The following AGAP3 variants were observed in gnomAD, a reference collection of about 807,000 sequenced individuals.
The protein encoded by AGAP3 is arf-GAP with GTPase, ANK repeat and PH domain-containing protein 3.
AGAP3 carries 24 observed loss-of-function variants against 96.9 expected under a neutral mutation model. The observed-to-expected ratio is 0.25, with a 90% CI of 0.18 to 0.35. The LOEUF (loss-of-function observed/expected upper bound fraction) is 0.35, where lower values mean the gene tolerates loss of function less well. Ranked by LOEUF, AGAP3 falls within the 10% of genes least tolerant of loss-of-function variation. The pLI is 1.00. For missense variants in AGAP3, 876 were observed against 1,254.2 expected, an observed-to-expected ratio of 0.70 and a Z score of 4.55; for synonymous variants, 563 against 536.1, an observed-to-expected ratio of 1.05 and a Z score of -0.69.
intron 11 of AGAP3, chr7:151,137,703 G>A (rs1453993951): frequency 5.9e-6 from 1 of 168,996 alleles, no homozygotes; most frequent in Non-Finnish European, 1.3e-5. Flanking sequence ...ATAATTACTT[G>A]AATTTGATAC....
In AGAP3 at chr7:151,143,078, C is replaced by T. The variant is rs372422336; in HGVS notation, c.2274-263C>T. 1.1e-4 allele frequency among the ~76,000 whole-genome samples: 17 copies of T among 152,334 alleles called. No homozygotes were observed. Among genetic ancestry groups the T allele is most frequent in the South Asian group, 8.3e-4 (4 of 4,826 alleles). On this transcript the variant is annotated intron_variant, in intron 16 of 17. Coordinates refer to ENST00000397238, the MANE Select transcript of AGAP3 (RefSeq NM_031946.7). The surrounding 1 kb of genome is among the most constrained non-coding windows in gnomAD (Gnocchi z 5.9). ...GGAATCTTCCTGCCCTCTCAGCCCC[C>T]GCATCCCCACTGTCCCCAGGGGGCC...
intron 11 of AGAP3, among the ~76,000 whole-genome samples, chr7:151,137,148 G>A (rs979062831): frequency 6.6e-6 from 1 of 152,232 alleles, no homozygotes; most frequent in Non-Finnish European, 1.5e-5. Flanking sequence ...GCCTGGTGCC[G>A]TCTCCCCGCA....
chr7:151,120,624 T>C, intron 8 of AGAP3: 1 of 1,293,112 alleles, frequency 7.7e-7, no homozygotes, highest in Non-Finnish European at 1.0e-6. Flanking sequence ...TCCGGCTCTT[T>C]TTCCGTTACC....
rs765993076 is a variant in AGAP3 at position 151,143,543 on chromosome 7, C to T, written c.2476C>T (p.Leu826=). The change falls in exon 17 of 18, where the codon CTA becomes TTA. Residue 826 remains leucine, a synonymous_variant. Coordinates refer to ENST00000397238, the MANE Select transcript of AGAP3 (RefSeq NM_031946.7). The surrounding 1 kb of genome is among the most constrained non-coding windows in gnomAD (Gnocchi z 5.9). ...TGGGGACGGGGACGGGCGGACGGCTCTACATCTCTCCAGTGCCATGGCCAA... is the reference window on the plus strand; with the variant it reads ...TGGGGACGGGGACGGGCGGACGGCTTTACATCTCTCCAGTGCCATGGCCAA... ...TYGDGDGRTA[L]HLSSAMANVV... is the part of the protein sequence containing the mutation. 10 of 1,613,578 alleles carry T rather than the reference C, an allele frequency of 6.2e-6. No homozygotes were observed. The highest frequency in any genetic ancestry group is 1.7e-4 in the Middle Eastern group (1 of 6,056).
In AGAP3 at chr7:151,126,373, A is replaced by G. The variant is rs866222697; in HGVS notation, c.1222-2207A>G. The stretch of plus-strand genomic sequence containing the variant: ...AGCAGAGCGGAGCAGAGCAGAGCGG[A>G]GCGGGGCGGGGCGGGGCCGGCCGTG... On this transcript the variant is annotated intron_variant, in intron 9 of 17. Transcript: ENST00000397238. Among the ~76,000 whole-genome samples, 493 of 56,232 alleles carry G rather than the reference A, an allele frequency of 8.8e-3. 6 individuals are homozygous for G. The highest frequency in any genetic ancestry group is 0.034 in the African/African-American group (421 of 12,426). 36.9% of individuals were successfully genotyped at this position (56,232 alleles called of 152,430 possible). A position where few individuals can be genotyped will look rare whatever the true frequency, so the allele number is the denominator to read the frequency against.
Position 151,128,642 on chromosome 7 carries a change from G to C in AGAP3, c.1284G>C (p.Thr428=). ...LNKEWKKKYV[T]LCDNGLLTYH... is the part of the protein sequence containing the mutation. ...AGGAGTGGAAGAAGAAGTATGTGACGCTCTGTGACAACGGGCTGCTCACCT... is the reference window on the plus strand; with the variant it reads ...AGGAGTGGAAGAAGAAGTATGTGACCCTCTGTGACAACGGGCTGCTCACCT... The change falls in exon 10 of 18, where the codon ACG becomes ACC. Residue 428 remains threonine (T), a synonymous_variant. Transcript: ENST00000397238. 1 of 1,613,806 alleles carries C rather than the reference G, an allele frequency of 6.2e-7. No homozygotes were observed. Among genetic ancestry groups the C allele is most frequent in the Non-Finnish European group, 8.5e-7 (1 of 1,179,920 alleles).
chr7:151,110,049 T>C (rs531844479), intron 1 of AGAP3, among the ~76,000 whole-genome samples: 2 of 152,360 alleles, frequency 1.3e-5, no homozygotes, highest in South Asian at 4.1e-4. Context: ...GAGGCTGAAC[T>C]TGAATCCAGC....
intron 1 of AGAP3, chr7:151,112,292 A>G (rs151198524): frequency 6.6e-6 from 1 of 152,268 alleles, no homozygotes; most frequent in East Asian, 1.9e-4. Flanking sequence ...CCCAGGTGGC[A>G]CTTTCTCCTT....
At chr7:151,107,052 G>A (rs1799085151) in intron 1 of AGAP3, among the ~76,000 whole-genome samples, 1 of 152,138 alleles carries the variant, frequency 6.6e-6, no homozygotes, top group Admixed American at 6.5e-5. Context: ...GCTCACGCCT[G>A]TAATCCCAGC....
rs144309190 is a variant in AGAP3 at position 151,117,627 on chromosome 7, C to T, written c.565-9C>T. On this transcript the variant is annotated splice_polypyrimidine_tract_variant and intron_variant, in intron 4 of 17. Transcript: ENST00000397238. ...GTTGCGGGTGCTAATTTTACTTGCT[C>T]TACCCTAGTTTGCTGCCTGGGTGGA... The T allele has an allele frequency of 3.7e-6, 6 of 1,613,728 alleles. No individual in the cohort carries two copies. Among genetic ancestry groups the T allele is most frequent in the Middle Eastern group, 1.6e-4 (1 of 6,082 alleles).
Position 151,086,692 on chromosome 7 carries a change from C to T in AGAP3, c.-50C>T, listed in dbSNP as rs946015693. ...GCTGCCGCCGCCGCCGCCGCCGCCGCCTCCGCCGCGCCGCCCCGGGCCCGC... is the reference window on the plus strand; with the variant it reads ...GCTGCCGCCGCCGCCGCCGCCGCCGTCTCCGCCGCGCCGCCCCGGGCCCGC... On this transcript the variant is annotated 5_prime_UTR_variant, in exon 1 of 18. Transcript: ENST00000397238. 1.2e-5 allele frequency: 3 copies of T among 245,982 alleles called. No individual in the cohort carries two copies. Among genetic ancestry groups the T allele is most frequent in the Non-Finnish European group, 1.9e-5 (3 of 160,688 alleles). 15.2% of individuals were successfully genotyped at this position (245,982 alleles called of 1,614,324 possible).
chr7:151,119,862 A>G (rs1418862796), intron 7 of AGAP3, 125 bp from the exon 8 acceptor site: 1 of 802,600 alleles, frequency 1.2e-6, no homozygotes, highest in East Asian at 2.7e-5. Context: ...TGTAGGGGCT[A>G]GTGGCCCCTC....
intron 10 of AGAP3, chr7:151,131,035 G>A (rs185865188): frequency 2.0e-5 from 3 of 152,288 alleles, no homozygotes; most frequent in Non-Finnish European, 4.4e-5. Flanking sequence ...CAGAGGCTCC[G>A]ACAGAACTCT....
chr7:151,098,212 A>G (rs978706028), intron 1 of AGAP3, among the ~76,000 whole-genome samples: 4 of 152,220 alleles, frequency 2.6e-5, no homozygotes, highest in Non-Finnish European at 2.9e-5. Flanking sequence ...TAGGAAAATT[A>G]GCCAGGCATG....
chr7:151,086,862 C>T lies in AGAP3; in HGVS notation c.121C>T (p.Pro41Ser). The change falls in exon 1 of 18, where the codon CCC becomes TCC. Residue 41 changes from proline to serine, a missense_variant. By Grantham distance (74) the Pro-to-Ser change is moderately conservative (BLOSUM62 -1). Around this residue, in one of 8 missense-constraint regions of AGAP3, gnomAD observed 62 missense variants for 82.8 expected, o/e 0.75. Coordinates refer to ENST00000397238, the MANE Select transcript of AGAP3 (RefSeq NM_031946.7). ...VCGGQFGGAG[P>S]GAGGGGGPSQ... The stretch of plus-strand genomic sequence containing the variant: ...CGGCGGGCAGTTCGGCGGCGCGGGG[C>T]CCGGGGCCGGGGGCGGCGGCGGCCC... The T allele has an allele frequency of 2.7e-6, 3 of 1,094,086 alleles. No homozygotes were observed. The highest frequency in any genetic ancestry group is 3.3e-6 in the Non-Finnish European group (3 of 901,348). The allele number at this position is 1,094,086 out of a possible 1,614,324, so 67.8% of individuals were successfully genotyped here.
intron 1 of AGAP3, among the ~76,000 whole-genome samples, chr7:151,104,718 G>A (rs1025842237): frequency 1.3e-5 from 2 of 152,226 alleles, no homozygotes; most frequent in Admixed American, 6.5e-5. Context: ...ACCTGGAAAA[G>A]TAACGGCGTT....
chr7:151,119,913 G>A (rs1293209069), intron 7 of AGAP3, 74 bp from the exon 8 acceptor site: 62 of 1,508,340 alleles, frequency 4.1e-5, no homozygotes, highest in Non-Finnish European at 5.3e-5. Flanking sequence ...TTAGCACAGG[G>A]ATTCCCGGCA....
rs1392304563 is a variant in AGAP3, at chr7:151,128,687, G to A, written c.1326+3G>A. 3.1e-6 allele frequency: 5 copies of A among 1,611,496 alleles called. No homozygotes were observed. The Admixed American group carries it at 8.3e-5, about 27-fold the overall frequency. On this transcript the variant is annotated splice_donor_region_variant and intron_variant, in intron 10 of 17. Transcript: ENST00000397238. ...TCACCTATCACCCCAGCCTGCATGT[G>A]AGTCTGGGAGGAGGAGCCTCCTGGG...
intron 1 of AGAP3, among the ~76,000 whole-genome samples, chr7:151,095,492 C>G (rs1199056537): frequency 1.3e-5 from 2 of 152,090 alleles, no homozygotes; most frequent in Admixed American, 6.5e-5. Context: ...CCTGAAACCC[C>G]AGCGCCTGGA....
Sources: gnomAD v4.1 joint callset for allele counts (sites outside exome capture counted in the v4.1 genomes callset) on GRCh38, gnomAD v4.1.1 for gene constraint, gnomAD v4.1.1 regional missense constraint, Gnocchi (gnomAD v3.1) non-coding constraint, MANE v1.5 for transcripts, NCBI Gene and HGNC (gene_info 2026-07-23, HGNC 2026-07-21) for gene names.